MEIOB: variants seen among roughly 807,000 people sequenced by gnomAD.
The protein encoded by MEIOB is meiosis-specific with OB domain-containing protein.
MEIOB carries 50 observed loss-of-function variants against 53.1 expected under a neutral mutation model. That is an observed-to-expected ratio of 0.94 (90% CI 0.75 to 1.19). The LOEUF (loss-of-function observed/expected upper bound fraction) is 1.19. MEIOB is among the 50% of genes most tolerant of loss of function. The probability of loss-of-function intolerance (pLI) is 0.00; values close to 1 mark genes in which losing one functional copy is unlikely to be tolerated. For missense variants in MEIOB, 551 were observed against 550.8 expected (o/e 1.00, Z 0.00); for synonymous variants, 192 against 182.5 (o/e 1.05, Z -0.42).
intron 13 of MEIOB, among the ~76,000 whole-genome samples, chr16:1,836,946 G>T (rs938854790): frequency 6.6e-6 from 1 of 152,136 alleles, no homozygotes; most frequent in Non-Finnish European, 1.5e-5. Context: ...GAGAATACAA[G>T]AGAAAAGAGT....
chr16:1,854,244 A>C, intron 6 of MEIOB, 44 bp from the exon 7 acceptor site: 1 of 1,105,788 alleles, frequency 9.0e-7, no homozygotes, highest in Non-Finnish European at 1.3e-6. Flanking sequence ...TATATGTAGA[A>C]GTTCTTAAGT....
chr16:1,865,522 C>T (rs1243923728), intron 3 of MEIOB, among the ~76,000 whole-genome samples: 2 of 46,726 alleles, frequency 4.3e-5, no homozygotes, highest in East Asian at 6.4e-4. Flanking sequence ...CACACACATA[C>T]ACACGTGTGT....
intron 2 of MEIOB, 74 bp downstream of exon 2, chr16:1,868,033 A>C: frequency 1.3e-6 from 1 of 788,326 alleles, no homozygotes. Flanking sequence ...GTGTTGAATG[A>C]ATCAATAACA....
chr16:1,838,726 C>G (rs528034242), intron 12 of MEIOB, among the ~76,000 whole-genome samples: 3 of 152,170 alleles, frequency 2.0e-5, no homozygotes, highest in Non-Finnish European at 4.4e-5. Flanking sequence ...AAGTCTTGCT[C>G]TATCACTCAG....
Position 1,839,424 on chromosome 16 carries a change from T to C in MEIOB, c.1049A>G (p.Tyr350Cys), listed in dbSNP as rs567019697. ...CATGTTAGATGCTTCATTTACAATA[T>C]AACCACAGCTGGAACTGAAAAGAAA... is the stretch of plus-strand genomic sequence containing the variant. ...VVRNRCSSCG[Y>C]IVNEASNMCT... The change falls in exon 12 of 14, where the codon TAT becomes TGT. Residue 350 changes from tyrosine (Y) to cysteine (C), a missense_variant. Transcript: ENST00000325962. 69 of 1,611,364 alleles carry C rather than the reference T, an allele frequency of 4.3e-5. No homozygotes were observed. The South Asian group carries it at 7.4e-4, about 17-fold the overall frequency.
chr16:1,846,062 T>A (rs1281668258), intron 9 of MEIOB, among the ~76,000 whole-genome samples: 3 of 152,220 alleles, frequency 2.0e-5, no homozygotes, highest in African/African-American at 7.2e-5. Context: ...CTCACATCCA[T>A]CTGACCAGCC....
intron 9 of MEIOB, among the ~76,000 whole-genome samples, chr16:1,845,697 G>C (rs747198433): frequency 1.3e-5 from 2 of 151,898 alleles, no homozygotes; most frequent in Non-Finnish European, 2.9e-5. Flanking sequence ...TTTTCAAAAG[G>C]CAATTGAAAT....
At position 1,839,481 on chromosome 16, in the gene MEIOB, C is replaced by G. The variant is rs776658820; in HGVS notation, c.1035-43G>C. ...CAATGATAAAATGTGATGCCCTAAG[C>G]TACAAATTTCATCTGTAGCAGAAAA... On this transcript the variant is annotated intron_variant, in intron 11 of 13. Coordinates refer to ENST00000325962, the MANE Select transcript of MEIOB (RefSeq NM_001163560.3). 2.6e-6 allele frequency: 4 copies of G among 1,524,162 alleles called. No homozygotes were observed. In the African/African-American group the frequency reaches 5.6e-5, roughly 21 times the overall value. The allele number at this position is 1,524,162 out of a possible 1,614,324, so 94.4% of individuals were successfully genotyped here. A position where few individuals can be genotyped will look rare whatever the true frequency, so the allele number is the denominator to read the frequency against.
chr16:1,849,194 G>C (rs1899098271), intron 9 of MEIOB, among the ~76,000 whole-genome samples: 1 of 152,074 alleles, frequency 6.6e-6, no homozygotes, highest in Non-Finnish European at 1.5e-5. Flanking sequence ...GCCAAGGTGG[G>C]TGGATCACGA....
chr16:1,861,315 T>C (rs1899434449), intron 4 of MEIOB, among the ~76,000 whole-genome samples: 3 of 152,256 alleles, frequency 2.0e-5, no homozygotes, highest in Non-Finnish European at 4.4e-5. Context: ...TAAATATCAG[T>C]TTTTATCAAA....
rs770544936 is a variant in MEIOB, at chr16:1,841,981, CAGAA to C, written c.881-12_881-9del. On this transcript the variant is annotated splice_polypyrimidine_tract_variant and intron_variant, in intron 10 of 13. Transcript: ENST00000325962. ...CATCAACTATTGTACTTACTAAAAA[CAGAA>C]AGAAGTATTACAGTTCTGTATATAT... 1.3e-6 allele frequency: 2 copies of C among 1,529,594 alleles called. No homozygotes were observed. Among genetic ancestry groups the C allele is most frequent in the Non-Finnish European group, 1.8e-6 (2 of 1,136,652 alleles). 94.8% of individuals were successfully genotyped at this position (1,529,594 alleles called of 1,614,324 possible).
chr16:1,853,650 T>A (rs1657117), intron 7 of MEIOB, among the ~76,000 whole-genome samples: 3 of 152,096 alleles, frequency 2.0e-5, no homozygotes, highest in Non-Finnish European at 4.4e-5. Context: ...GTTGAAGACA[T>A]TTTTGAAATC....
intron 12 of MEIOB, among the ~76,000 whole-genome samples, chr16:1,838,354 C>T (rs2142075371): frequency 6.6e-6 from 1 of 152,260 alleles, no homozygotes; most frequent in Middle Eastern, 3.4e-3. Context: ...TAAGCAAAAT[C>T]TCCAAAGGTA....
chr16:1,860,560 A>T, intron 4 of MEIOB, 85 bp from the exon 5 acceptor site: 118 of 738,284 alleles, frequency 1.6e-4, no homozygotes, highest in Middle Eastern at 2.7e-4. Context: ...TGTTTAATTT[A>T]TGATCATCAT....
chr16:1,869,492 G>C (rs2150826769), intron 1 of MEIOB, among the ~76,000 whole-genome samples: 1 of 151,704 alleles, frequency 6.6e-6, no homozygotes, highest in Admixed American at 6.6e-5. Flanking sequence ...CTGTTGCCTA[G>C]GCTGGAGTGC....
At chr16:1,852,667 T>C (rs1237517672) in intron 9 of MEIOB, among the ~76,000 whole-genome samples, 1 of 152,082 alleles carries the variant, frequency 6.6e-6, no homozygotes, top group African/African-American at 2.4e-5. Context: ...GTGATTCTCC[T>C]GCCTCAGTCT....
At chr16:1,864,854 C>T (rs537047768) in intron 3 of MEIOB, among the ~76,000 whole-genome samples, 2 of 152,266 alleles carry the variant, frequency 1.3e-5, no homozygotes, top group South Asian at 4.2e-4. Flanking sequence ...CTAATTCACA[C>T]ATTTTAAGTG....
chr16:1,865,510 TGCACAC>T (rs1899569015), intron 3 of MEIOB, among the ~76,000 whole-genome samples: 1 of 58,486 alleles, frequency 1.7e-5, no homozygotes, highest in African/African-American at 6.6e-5. Flanking sequence ...CACATACACA[TGCACAC>T]ACATACACAC....
intron 10 of MEIOB, among the ~76,000 whole-genome samples, chr16:1,843,920 C>G (rs1898971410): frequency 6.6e-6 from 1 of 151,982 alleles, no homozygotes; most frequent in Admixed American, 6.6e-5. Flanking sequence ...TCCTTCAGCA[C>G]TTCATTGGTT....
Sources: gnomAD v4.1 joint callset for allele counts (sites outside exome capture counted in the v4.1 genomes callset) on GRCh38, gnomAD v4.1.1 for gene constraint, MANE v1.5 for transcripts, NCBI Gene and HGNC (gene_info 2026-07-23, HGNC 2026-07-21) for gene names.